The following SNRPN variants were observed in gnomAD, a reference collection of about 807,000 sequenced individuals.
The protein encoded by SNRPN is small nuclear ribonucleoprotein polypeptide N.
A neutral mutation model predicts 25.2 loss-of-function variants in SNRPN; 7 were observed. The ratio of observed to expected loss-of-function variants is 0.28; its 90% confidence interval spans 0.16 to 0.52. The LOEUF is 0.52. Among genes scored for constraint, SNRPN ranks in the 20% least tolerant of loss-of-function variants. SNRPN has a pLI of 0.96. For synonymous variants in SNRPN, 124 were observed against 110.6 expected, an observed-to-expected ratio of 1.12 and a Z score of -0.76; for missense variants, 196 against 322.5, an observed-to-expected ratio of 0.61 and a Z score of 3.00.
chr15:24,930,092 C>T (rs1050165814), intron 3 of SNRPN, among the ~76,000 whole-genome samples: 3 of 150,930 alleles, frequency 2.0e-5, no homozygotes, highest in Admixed American at 1.3e-4. Flanking sequence ...TGCAGTGAGC[C>T]GAGATTGTGC....
intron 2 of SNRPN, among the ~76,000 whole-genome samples, chr15:24,839,392 A>G (rs1378614605): frequency 2.0e-5 from 3 of 152,066 alleles, no homozygotes; most frequent in Admixed American, 1.3e-4. Flanking sequence ...CAATAACAGC[A>G]ATGGTAGTAT....
upstream of SNRPN, among the ~76,000 whole-genome samples, chr15:24,852,547 C>G (rs1158342637): frequency 6.6e-6 from 1 of 152,094 alleles, no homozygotes; most frequent in Non-Finnish European, 1.5e-5. Context: ...CATAATTAGA[C>G]TAGAAACAAT....
chr15:24,906,192 C>A (rs186279036), intron 2 of SNRPN, among the ~76,000 whole-genome samples: 1 of 152,234 alleles, frequency 6.6e-6, no homozygotes, highest in Admixed American at 6.5e-5. Flanking sequence ...GTGACACGAT[C>A]CCAGGTCACT....
At chr15:24,835,010 C>A (rs1409077589) in intron 2 of SNRPN, among the ~76,000 whole-genome samples, 3 of 51,716 alleles carry the variant, frequency 5.8e-5, no homozygotes, top group African/African-American at 6.1e-5. Context: ...GTATATATAT[C>A]TATATATAAA....
rs2050864758 is a variant in SNRPN, at chr15:24,834,728, C to CTCTCTCTCTCTCTCTCTCTCTCTCT, written c.-579+4823_-579+4824insTCTCTCTCTCTCTCTCTCTCTCTCT. ...GAGTGAGACCTTGTCTCTCTCTCTC[C>CTCTCTCTCTCTCTCTCTCTCTCTCT]CTCTCTCTCTCTCTCTCTCTCTCTA... On this transcript the variant is annotated intron_variant, in intron 2 of 12. Transcript: ENST00000400100. Among the ~76,000 whole-genome samples, 6 of 42,802 alleles carry CTCTCTCTCTCTCTCTCTCTCTCTCT rather than the reference C, an allele frequency of 1.4e-4. 1 individual carries two copies. Among genetic ancestry groups the CTCTCTCTCTCTCTCTCTCTCTCTCT allele is most frequent in the Non-Finnish European group, 2.7e-4 (6 of 22,448 alleles). The allele number at this position is 42,802 out of a possible 152,430, so 28.1% of individuals were successfully genotyped here.
At chr15:24,880,175 C>T (rs2056439797) in intron 1 of SNRPN, among the ~76,000 whole-genome samples, 1 of 152,138 alleles carries the variant, frequency 6.6e-6, no homozygotes, top group Non-Finnish European at 1.5e-5. Context: ...TCCCACTTTT[C>T]GTTTTTGTTC....
At chr15:24,939,712 C>T (rs1027896215) in intron 3 of SNRPN, among the ~76,000 whole-genome samples, 8 of 150,716 alleles carry the variant, frequency 5.3e-5, no homozygotes, top group Non-Finnish European at 8.8e-5. Context: ...GGATTACAGG[C>T]GTGAGCCGCT....
chr15:24,977,656 A>C, intron 7 of SNRPN, 122 bp from the exon 8 acceptor site: 1 of 966,628 alleles, frequency 1.0e-6, no homozygotes, highest in East Asian at 2.8e-5. Context: ...CATGGGAATA[A>C]TGAGAGAAGT....
At chr15:24,869,069 C>T (rs549808276) in intron 1 of SNRPN, among the ~76,000 whole-genome samples, 9 of 152,110 alleles carry the variant, frequency 5.9e-5, no homozygotes, top group Admixed American at 1.3e-4. Context: ...GTCTTGAGCC[C>T]GGGAGGTCGA....
chr15:24,978,270 A>G lies in SNRPN; in HGVS notation c.637A>G (p.Ile213Val), dbSNP rs762574002. 1.1e-5 allele frequency: 18 copies of G among 1,614,004 alleles called. No homozygotes were observed. In the Admixed American group the frequency reaches 1.3e-4, roughly 12 times the overall value. ...GCTTCCCCCTGCTCGAGGGACGCCA[A>G]TAGGCATGCCGCCTCCGGGAATGAG... is the stretch of plus-strand genomic sequence containing the variant. ...IGLPPARGTPIGMPPPGMRPP... is the reference protein window; with the variant it reads ...IGLPPARGTPVGMPPPGMRPP... The change falls in exon 9 of 10, where the codon ATA becomes GTA. Residue 213 changes from isoleucine to valine, a missense_variant. Transcript: ENST00000390687.
intron 2 of SNRPN, among the ~76,000 whole-genome samples, chr15:24,907,717 A>T (rs2058919784): frequency 6.6e-6 from 1 of 151,998 alleles, no homozygotes. Context: ...AAATGCTGGC[A>T]CTATAGGCAT....
intron 2 of SNRPN, among the ~76,000 whole-genome samples, chr15:24,832,625 T>G (rs1291362108): frequency 6.6e-6 from 1 of 152,000 alleles, no homozygotes; most frequent in Non-Finnish European, 1.5e-5. Context: ...CTGGGGTCCC[T>G]TTCCACGCAA....
intron 1 of SNRPN, among the ~76,000 whole-genome samples, chr15:24,883,358 T>C (rs1311453077): frequency 4.6e-5 from 7 of 151,090 alleles, no homozygotes; most frequent in Non-Finnish European, 8.9e-5. Context: ...GGGCTCACCC[T>C]AGAGCACTAT....
chr15:24,893,921 A>G (rs954178188), intron 2 of SNRPN, among the ~76,000 whole-genome samples: 2 of 152,196 alleles, frequency 1.3e-5, no homozygotes, highest in Non-Finnish European at 2.9e-5. Context: ...GAAAAAGGAA[A>G]AAAACCCAAT....
At chr15:24,959,869 A>T (rs2074484208) in intron 1 of SNRPN, among the ~76,000 whole-genome samples, 1 of 152,206 alleles carries the variant, frequency 6.6e-6, no homozygotes, top group Non-Finnish European at 1.5e-5. Flanking sequence ...AATTAGTTTC[A>T]CAAGGTTTTA....
At chr15:24,970,770 G>C (rs1411622263) in intron 3 of SNRPN, among the ~76,000 whole-genome samples, 1 of 152,106 alleles carries the variant, frequency 6.6e-6, no homozygotes, top group Non-Finnish European at 1.5e-5. Context: ...AAAATTAGTA[G>C]ACCATTAGTT....
At chr15:24,925,858 C>T (rs1246821644) in intron 3 of SNRPN, among the ~76,000 whole-genome samples, 1 of 152,008 alleles carries the variant, frequency 6.6e-6, no homozygotes, top group Non-Finnish European at 1.5e-5. Flanking sequence ...TCTCTGGCCT[C>T]AGCCTCCCGA....
chr15:24,896,192 G>A (rs1162320035), intron 2 of SNRPN, among the ~76,000 whole-genome samples: 3 of 152,142 alleles, frequency 2.0e-5, no homozygotes, highest in Non-Finnish European at 2.9e-5. Flanking sequence ...ATATGATGTG[G>A]CCCTGAGGTA....
chr15:24,850,002 G>T (rs1595452819), intron 2 of SNRPN: 1 of 152,286 alleles, frequency 6.6e-6, no homozygotes, highest in East Asian at 1.9e-4. Context: ...TTGATTCAGA[G>T]TCATCGATGT....
Sources: allele counts gnomAD v4.1 joint callset (sites outside exome capture counted in the v4.1 genomes callset), GRCh38; gene constraint gnomAD v4.1.1; transcripts MANE v1.5; gene names NCBI Gene and HGNC (gene_info 2026-07-23, HGNC 2026-07-21).